Variants in GLS observed in about 807,000 individuals in gnomAD.
The protein encoded by GLS is glutaminase kidney isoform, mitochondrial.
GLS carries 36 observed loss-of-function variants against 86.7 expected under a neutral mutation model. The observed-to-expected ratio is 0.42, with a 90% CI of 0.32 to 0.55. The LOEUF (loss-of-function observed/expected upper bound fraction) is 0.55, where lower values mean the gene tolerates loss of function less well. GLS is among the 20% of genes least tolerant of loss of function. The probability of loss-of-function intolerance (pLI) is 0.17; values close to 1 mark genes in which losing one functional copy is unlikely to be tolerated. For missense variants in GLS, 528 were observed against 833.4 expected (o/e 0.63, Z 4.51); for synonymous variants, 317 against 305.9 (o/e 1.04, Z -0.38).
chr2:190,881,526 G>T, intron 1 of GLS, 56 bp downstream of exon 1: 4 of 1,464,758 alleles, frequency 2.7e-6, no homozygotes, highest in Non-Finnish European at 3.7e-6. Context: ...CCGGGCTCAG[G>T]CTGTGTGGGG....
At chr2:190,891,024 A>T (rs1164065488) in intron 1 of GLS, among the ~76,000 whole-genome samples, 1 of 66,892 alleles carries the variant, frequency 1.5e-5, no homozygotes, top group Admixed American at 2.0e-4. Flanking sequence ...TGTAGTTCTT[A>T]GTAAGGATTT....
At position 190,951,099 on chromosome 2, in the gene GLS, A is replaced by T. The variant is rs1415058352; in HGVS notation, c.1651-2466A>T. Among the ~76,000 whole-genome samples the T allele has an allele frequency of 6.6e-6, 1 of 152,204 alleles. No homozygotes were observed. The highest frequency in any genetic ancestry group is 1.5e-5 in the Non-Finnish European group (1 of 68,044). ...GGAATAGATGAATTCTTTGAGGGAC[A>T]TTATATTGAAAAACAAGAAGATTGG... is the stretch of plus-strand genomic sequence containing the variant. On this transcript the variant is annotated intron_variant, in intron 14 of 17. Coordinates refer to ENST00000320717, the MANE Select transcript of GLS (RefSeq NM_014905.5). The surrounding 1 kb of genome is among the most constrained non-coding windows in gnomAD (Gnocchi z 4.2).
Position 190,881,851 on chromosome 2 carries a change from A to G in GLS, c.386+381A>G, listed in dbSNP as rs531753186. The G allele has an allele frequency of 3.8e-5, 7 of 186,402 alleles. No homozygotes were observed. In the South Asian group the frequency reaches 9.1e-4, roughly 24 times the overall value. 11.5% of individuals were successfully genotyped at this position (186,402 alleles called of 1,614,324 possible). ...CGCCCGCCCCAGCCATTCGTGGGCG[A>G]TGCTGCACGAACATCTCCACCGAGT... is the stretch of plus-strand genomic sequence containing the variant. On this transcript the variant is annotated intron_variant, in intron 1 of 17. Coordinates refer to ENST00000320717, the MANE Select transcript of GLS (RefSeq NM_014905.5).
intron 14 of GLS, among the ~76,000 whole-genome samples, chr2:190,942,761 G>C (rs1219367130): frequency 6.6e-6 from 1 of 152,170 alleles, no homozygotes; most frequent in Non-Finnish European, 1.5e-5. Context: ...TGGATATCAG[G>C]AGGTTGATTG....
chr2:190,931,701 C>G, intron 14 of GLS, 64 bp downstream of exon 14: 1 of 731,152 alleles, frequency 1.4e-6, no homozygotes, highest in African/African-American at 1.8e-5. Flanking sequence ...GTGAGATTTG[C>G]CTGTATAAAT....
chr2:190,920,988 T>A lies in GLS; in HGVS notation c.1039-36T>A, dbSNP rs1257290872. 2.6e-6 allele frequency: 3 copies of A among 1,162,516 alleles called. No individual in the cohort carries two copies. In the African/African-American group the frequency reaches 4.5e-5, roughly 18 times the overall value. 72.0% of individuals were successfully genotyped at this position (1,162,516 alleles called of 1,614,324 possible). Reference sequence around the variant, plus strand: ...CTTGAAACTTAACTGTAGTGGTACCTATATTAACGTATTTATGTCTCTTAT... The same window carrying A: ...CTTGAAACTTAACTGTAGTGGTACCAATATTAACGTATTTATGTCTCTTAT... On this transcript the variant is annotated intron_variant, in intron 7 of 17. Coordinates refer to ENST00000320717, the MANE Select transcript of GLS (RefSeq NM_014905.5). This position sits in a 1 kb window ranked among gnomAD's most constrained non-coding sequence, Gnocchi z 4.2.
At chr2:190,887,757 T>C (rs1370617367) in intron 1 of GLS, among the ~76,000 whole-genome samples, 1 of 152,204 alleles carries the variant, frequency 6.6e-6, no homozygotes, top group East Asian at 1.9e-4. Flanking sequence ...TACAGTGTTA[T>C]GCATACTAGA....
rs1690803981 is a variant in GLS at position 190,954,344 on chromosome 2, T to G, written c.1713-240T>G. Among the ~76,000 whole-genome samples, 1 of 152,100 alleles carries G rather than the reference T, an allele frequency of 6.6e-6. No individual in the cohort carries two copies. Among genetic ancestry groups the G allele is most frequent in the South Asian group, 2.1e-4 (1 of 4,830 alleles). ...GAACAATAATGTAATAAAGTTTAAT[T>G]CTGTGAGAGATGGTTAACATTTAAT... On this transcript the variant is annotated intron_variant, in intron 15 of 17. Transcript: ENST00000320717. The surrounding 1 kb of genome is among the most constrained non-coding windows in gnomAD (Gnocchi z 4.0).
chr2:190,910,651 C>G (rs1463277926), intron 7 of GLS, among the ~76,000 whole-genome samples: 1 of 146,652 alleles, frequency 6.8e-6, no homozygotes, highest in Non-Finnish European at 1.5e-5. Context: ...CTTTCGTTTC[C>G]TTTTGGTTCT....
At chr2:190,932,858 G>C in intron 14 of GLS, 1 of 1,517,992 alleles carries the variant, frequency 6.6e-7, no homozygotes, top group Non-Finnish European at 8.8e-7. Flanking sequence ...GGAGAGAAAA[G>C]CTAAAGAAAT....
chr2:190,922,723 A>AT (rs773278065), intron 9 of GLS, among the ~76,000 whole-genome samples: 2 of 152,126 alleles, frequency 1.3e-5, no homozygotes, highest in Non-Finnish European at 2.9e-5. Context: ...AGTACGGCAA[A>AT]TTGATAAGAA....
intron 17 of GLS, among the ~76,000 whole-genome samples, chr2:190,959,158 C>T (rs1321883562): frequency 6.6e-6 from 1 of 151,718 alleles, no homozygotes; most frequent in Admixed American, 6.6e-5. Flanking sequence ...GCATTGATCC[C>T]TTTACCATTA....
At chr2:190,903,013 A>G (rs561230354) in intron 5 of GLS, among the ~76,000 whole-genome samples, 1 of 152,328 alleles carries the variant, frequency 6.6e-6, no homozygotes, top group South Asian at 2.1e-4. Context: ...TTTACTTTTC[A>G]AGATAATGTT....
intron 1 of GLS, among the ~76,000 whole-genome samples, chr2:190,884,810 G>A (rs1688320171): frequency 6.6e-6 from 1 of 151,262 alleles, no homozygotes. Flanking sequence ...AAACAACAAT[G>A]AGGTCACTTT....
At position 190,963,033 on chromosome 2, in the gene GLS, A is replaced by G; in HGVS notation, c.*47A>G. 1.5e-6 allele frequency: 2 copies of G among 1,322,158 alleles called. No homozygotes were observed. Among genetic ancestry groups the G allele is most frequent in the Non-Finnish European group, 2.1e-6 (2 of 949,702 alleles). 81.9% of individuals were successfully genotyped at this position (1,322,158 alleles called of 1,614,324 possible). On this transcript the variant is annotated 3_prime_UTR_variant, in exon 18 of 18. Transcript: ENST00000320717. ...AAATCACTTACCTATTTAATTGTGGAAAATGATTATGAAGAACATGTGTAT... is the reference window on the plus strand; with the variant it reads ...AAATCACTTACCTATTTAATTGTGGGAAATGATTATGAAGAACATGTGTAT...
Position 190,921,755 on chromosome 2 carries a change from T to A in GLS, c.1130+552T>A, listed in dbSNP as rs145334618. On this transcript the variant is annotated intron_variant, in intron 9 of 17. Transcript: ENST00000320717. The surrounding 1 kb of genome is among the most constrained non-coding windows in gnomAD (Gnocchi z 4.2). ...TAAGAAAGCACATACAGTCTAAGAA[T>A]AAGGACATTCTCCTACATAACCACA... Among the ~76,000 whole-genome samples the A allele has an allele frequency of 1.3e-3, 197 of 152,090 alleles. No individual in the cohort carries two copies. The highest frequency in any genetic ancestry group is 3.9e-3 in the African/African-American group (161 of 41,540).
chr2:190,919,066 GAA>G (rs5837211), intron 7 of GLS, among the ~76,000 whole-genome samples: 32,933 of 151,932 alleles, frequency 0.22, 3,897 homozygotes, highest in East Asian at 0.46. Flanking sequence ...CATACTGTTG[GAA>G]AAATGGTGCC....
intron 12 of GLS, among the ~76,000 whole-genome samples, chr2:190,928,895 T>TTG (rs1689998484): frequency 7.8e-6 from 1 of 128,916 alleles, no homozygotes; most frequent in Admixed American, 7.6e-5. Context: ...CAGGTGTGTT[T>TTG]TTTTTTTTTT....
At chr2:190,923,543 T>G (rs1689811850) in intron 9 of GLS, among the ~76,000 whole-genome samples, 1 of 152,212 alleles carries the variant, frequency 6.6e-6, no homozygotes, top group Non-Finnish European at 1.5e-5. Flanking sequence ...GTTCCCTGAT[T>G]ATGTCAATTA....
Sources: gnomAD v4.1 joint callset for allele counts (sites outside exome capture counted in the v4.1 genomes callset) on GRCh38, gnomAD v4.1.1 for gene constraint, Gnocchi (gnomAD v3.1) non-coding constraint, MANE v1.5 for transcripts, NCBI Gene and HGNC (gene_info 2026-07-23, HGNC 2026-07-21) for gene names.